The following IFT52 variants were observed in gnomAD, a reference collection of about 807,000 sequenced individuals.
The protein encoded by IFT52 is intraflagellar transport protein 52 homolog.
Under a neutral mutation model 54.4 loss-of-function variants are expected in IFT52, and 44 were observed. That is an observed-to-expected ratio of 0.81 (90% confidence interval 0.63 to 1.04). The LOEUF is 1.04. Among genes scored for constraint, IFT52 ranks in the 50% least tolerant of loss-of-function variants. IFT52 has a pLI of 0.00. For missense variants in IFT52, 452 were observed against 523.6 expected, an observed-to-expected ratio of 0.86 and a Z score of 1.33; for synonymous variants, 181 against 185.3, an observed-to-expected ratio of 0.98 and a Z score of 0.19.
At chr20:43,639,500 T>G (rs891937695) in intron 12 of IFT52, among the ~76,000 whole-genome samples, 1 of 152,082 alleles carries the variant, frequency 6.6e-6, no homozygotes, top group Non-Finnish European at 1.5e-5. Context: ...GAGAAACCCC[T>G]TCTCTACTAA....
intron 1 of IFT52, among the ~76,000 whole-genome samples, chr20:43,592,573 A>AC (rs1277603489): frequency 1.3e-5 from 2 of 149,232 alleles, no homozygotes; most frequent in Non-Finnish European, 3.0e-5. Context: ...ACTCTCTCAA[A>AC]AAAAAAAAAA....
intron 3 of IFT52, 120 bp from the exon 4 acceptor site, chr20:43,603,640 A>G (rs1982624125): frequency 1.1e-6 from 1 of 870,084 alleles, no homozygotes. Context: ...ATATACATTT[A>G]TATGTAAATG....
At chr20:43,605,958 C>A (rs1179879726) in intron 6 of IFT52, among the ~76,000 whole-genome samples, 1 of 152,132 alleles carries the variant, frequency 6.6e-6, no homozygotes, top group Non-Finnish European at 1.5e-5. Context: ...TGGTAGCTCA[C>A]TCCTGTAATT....
At chr20:43,633,324 C>T (rs1985301949) in intron 10 of IFT52, among the ~76,000 whole-genome samples, 1 of 151,406 alleles carries the variant, frequency 6.6e-6, no homozygotes, top group African/African-American at 2.4e-5. Flanking sequence ...GCCTGGGCCA[C>T]AAGAGCGAAA....
intron 6 of IFT52, among the ~76,000 whole-genome samples, chr20:43,608,057 A>AC (rs11427975): frequency 6.6e-6 from 1 of 151,890 alleles, no homozygotes; most frequent in Admixed American, 6.6e-5. Flanking sequence ...CTGAGGCAGG[A>AC]AATCAGGCAG....
chr20:43,609,938 G>T (rs1983287887), intron 6 of IFT52, among the ~76,000 whole-genome samples: 1 of 151,278 alleles, frequency 6.6e-6, no homozygotes. Context: ...AACAGAGCAA[G>T]ACTCCGTCTT....
At chr20:43,614,696 C>A (rs1333036868) in intron 7 of IFT52, among the ~76,000 whole-genome samples, 8 of 152,010 alleles carry the variant, frequency 5.3e-5, no homozygotes, top group Non-Finnish European at 1.2e-4. Context: ...TTAGTTTATA[C>A]TAGGAAAATA....
intron 3 of IFT52, among the ~76,000 whole-genome samples, chr20:43,600,442 C>A (rs1350244932): frequency 6.6e-6 from 1 of 151,832 alleles, no homozygotes; most frequent in Non-Finnish European, 1.5e-5. Context: ...GTAGGTGGTA[C>A]TACAGGTGCC....
Position 43,594,753 on chromosome 20 carries a change from T to G in IFT52, c.55T>G (p.Phe19Val). The G allele has an allele frequency of 2.5e-6, 4 of 1,613,542 alleles. No homozygotes were observed. Among genetic ancestry groups the G allele is most frequent in the Non-Finnish European group, 3.4e-6 (4 of 1,179,530 alleles). ...TTTCAATGCCTACAAAAAGGAGATA[T>G]TTACCACCAACAATGGCTACAAATC... ...ILFNAYKKEI[F>V]TTNNGYKSMQ... The change falls in exon 2 of 14, where the codon TTT (phenylalanine) becomes GTT (valine). Residue 19 changes from phenylalanine to valine, a missense_variant. Coordinates refer to ENST00000373030, the MANE Select transcript of IFT52 (RefSeq NM_016004.5).
Position 43,642,277 on chromosome 20 carries a change from G to A in IFT52, c.1121-202G>A, listed in dbSNP as rs1051920861. The A allele has an allele frequency of 5.3e-5, 28 of 530,416 alleles. No individual in the cohort carries two copies. The East Asian group carries it at 7.4e-4, about 14-fold the overall frequency. The allele number at this position is 530,416 out of a possible 1,614,324, so 32.9% of individuals were successfully genotyped here. ...CAGTCCAGTTTTATTCTGATTAGGA[G>A]TGCTTTTATTATAAAAGCAGCACAT... On this transcript the variant is annotated intron_variant, in intron 12 of 13. Transcript: ENST00000373030.
chr20:43,628,053 A>G (rs1984877876), intron 10 of IFT52, among the ~76,000 whole-genome samples: 1 of 147,822 alleles, frequency 6.8e-6, no homozygotes, highest in African/African-American at 2.5e-5. Context: ...CTCAGCCTCC[A>G]TAGTAGCTGG....
chr20:43,634,970 ACCAG>A (rs912306786), intron 10 of IFT52, among the ~76,000 whole-genome samples: 1 of 152,108 alleles, frequency 6.6e-6, no homozygotes, highest in African/African-American at 2.4e-5. Flanking sequence ...GGAGTTCAAG[ACCAG>A]CCTGACCAAC....
chr20:43,642,716 C>A (rs1359731923), intron 13 of IFT52, 92 bp downstream of exon 13: 24 of 1,290,470 alleles, frequency 1.9e-5, no homozygotes, highest in Non-Finnish European at 2.5e-5. Flanking sequence ...GACGTTGATT[C>A]AGCCTGTAAA....
At chr20:43,642,328 T>C in intron 12 of IFT52, 151 bp from the exon 13 acceptor site, 1 of 677,902 alleles carries the variant, frequency 1.5e-6, no homozygotes. Flanking sequence ...TTTTTCAGTG[T>C]TGAAATCCTG....
chr20:43,635,735 A>G (rs962091191), intron 10 of IFT52, among the ~76,000 whole-genome samples, 191 bp from the exon 11 acceptor site: 10 of 152,184 alleles, frequency 6.6e-5, no homozygotes, highest in African/African-American at 1.7e-4. Flanking sequence ...ATATGCATGC[A>G]TGTGTCTTTA....
In IFT52 at chr20:43,596,733, CTTCT is replaced by C. The variant is rs1316955144; in HGVS notation, c.207+214_207+217del. On this transcript the variant is annotated intron_variant, in intron 3 of 13. Transcript: ENST00000373030. ...GTGGGCCAATTAAATATTAGCCACACTTCTTTTTTTTTTTTTTTTTTTTTTTGAG... is the reference window on the plus strand; with the variant it reads ...GTGGGCCAATTAAATATTAGCCACACTTTTTTTTTTTTTTTTTTTTTTGAG... Among the ~76,000 whole-genome samples, 248 of 130,378 alleles carry C rather than the reference CTTCT, an allele frequency of 1.9e-3. 2 individuals carry two copies. The East Asian group carries it at 0.05, about 26-fold the overall frequency. The allele number at this position is 130,378 out of a possible 152,430, so 85.5% of individuals were successfully genotyped here.
At chr20:43,641,030 CAAAAAAAAAAA>C (rs10523117) in intron 12 of IFT52, among the ~76,000 whole-genome samples, 3 of 90,376 alleles carry the variant, frequency 3.3e-5, no homozygotes, top group South Asian at 3.9e-4. Flanking sequence ...AACCTTGTCT[CAAAAAAAAAAA>C]AAAAAAAAAA....
At chr20:43,622,664 GTAAATA>G (rs1429356056) in intron 9 of IFT52, among the ~76,000 whole-genome samples, 2 of 144,728 alleles carry the variant, frequency 1.4e-5, no homozygotes, top group Non-Finnish European at 3.0e-5. Flanking sequence ...TATTTTATAT[GTAAATA>G]TAAATATATA....
At chr20:43,618,338 G>A (rs1432516370) in intron 7 of IFT52, 2 of 151,356 alleles carry the variant, frequency 1.3e-5, no homozygotes, top group East Asian at 3.9e-4. Context: ...AGCTTCCCAA[G>A]TAGCTAGGAC....
Sources: allele counts gnomAD v4.1 joint callset (sites outside exome capture counted in the v4.1 genomes callset), GRCh38; gene constraint gnomAD v4.1.1; transcripts MANE v1.5; gene names NCBI Gene and HGNC (gene_info 2026-07-23, HGNC 2026-07-21).